The following ASAP3 variants were observed in gnomAD, a reference collection of about 807,000 sequenced individuals.
The protein encoded by ASAP3 is arf-GAP with SH3 domain, ANK repeat and PH domain-containing protein 3.
ASAP3 carries 85 observed loss-of-function variants against 118.2 expected under a neutral mutation model. That is an observed-to-expected ratio of 0.72 (90% CI 0.60 to 0.86). The LOEUF (loss-of-function observed/expected upper bound fraction) is 0.86, where lower values mean the gene tolerates loss of function less well. Ranked by LOEUF, ASAP3 falls within the 40% of genes least tolerant of loss-of-function variation. The pLI is 0.00. For synonymous variants in ASAP3, 432 were observed against 477.4 expected, an observed-to-expected ratio of 0.90 and a Z score of 1.24; for missense variants, 1,026 against 1,175.0, an observed-to-expected ratio of 0.87 and a Z score of 1.85.
chr1:23,436,442 C>T lies in ASAP3; in HGVS notation c.1571+118G>A, dbSNP rs1640656789. ...CCTCCCAAAGTGCTGGGATTACAGG[C>T]GTGAGCCACTGCGCCCAGCCTCCCC... On this transcript the variant is annotated intron_variant, in intron 16 of 24. Transcript: ENST00000336689. This position sits in a 1 kb window ranked among gnomAD's most constrained non-coding sequence, Gnocchi z 4.2. 5 of 1,118,302 alleles carry T rather than the reference C, an allele frequency of 4.5e-6. No individual in the cohort carries two copies. Among genetic ancestry groups the T allele is most frequent in the African/African-American group, 1.5e-5 (1 of 65,118 alleles). 69.3% of individuals were successfully genotyped at this position (1,118,302 alleles called of 1,614,324 possible).
Position 23,429,750 on chromosome 1 carries a change from A to G in ASAP3, c.*106T>C. On this transcript the variant is annotated 3_prime_UTR_variant, in exon 25 of 25. Coordinates refer to ENST00000336689, the MANE Select transcript of ASAP3 (RefSeq NM_017707.4). ...CTACAGAGGCACAAGGGACAGAGAGAGTGAGATCCAAGAGAACAAATGTCT... is the reference window on the plus strand; with the variant it reads ...CTACAGAGGCACAAGGGACAGAGAGGGTGAGATCCAAGAGAACAAATGTCT... 5 of 1,132,344 alleles carry G rather than the reference A, an allele frequency of 4.4e-6. No homozygotes were observed. The highest frequency in any genetic ancestry group is 6.3e-6 in the Non-Finnish European group (5 of 790,978). The allele number at this position is 1,132,344 out of a possible 1,614,324, so 70.1% of individuals were successfully genotyped here.
chr1:23,436,497 C>G lies in ASAP3; in HGVS notation c.1571+63G>C. ...TTCTGATCCAAGACTTTTCTACGAC[C>G]CTGGACACTGCGGAGGCAGAATCCC... On this transcript the variant is annotated intron_variant, in intron 16 of 24. Transcript: ENST00000336689. The surrounding 1 kb of genome is among the most constrained non-coding windows in gnomAD (Gnocchi z 4.2). 6.4e-7 allele frequency: 1 copy of G among 1,568,502 alleles called. No homozygotes were observed. Among genetic ancestry groups the G allele is most frequent in the Non-Finnish European group, 8.8e-7 (1 of 1,139,064 alleles).
At chr1:23,441,076 A>G in intron 10 of ASAP3, 26 bp downstream of exon 10, 2 of 1,609,132 alleles carry the variant, frequency 1.2e-6, no homozygotes, top group South Asian at 1.1e-5. Flanking sequence ...ACATTGGGCA[A>G]ATTATGTAAG....
intron 5 of ASAP3, among the ~76,000 whole-genome samples, chr1:23,447,213 C>T (rs1004616488): frequency 6.6e-6 from 1 of 152,134 alleles, no homozygotes; most frequent in Non-Finnish European, 1.5e-5. Flanking sequence ...ATACCACCTG[C>T]CATTAGTCAT....
chr1:23,462,388 T>C (rs370068930), intron 1 of ASAP3, among the ~76,000 whole-genome samples: 1 of 150,954 alleles, frequency 6.6e-6, no homozygotes, highest in African/African-American at 2.4e-5. Flanking sequence ...CCAGATACCA[T>C]TCCCGTCCCT....
chr1:23,460,097 T>C (rs529633830), intron 1 of ASAP3, among the ~76,000 whole-genome samples: 1 of 152,344 alleles, frequency 6.6e-6, no homozygotes, highest in South Asian at 2.1e-4. Flanking sequence ...TATAGCTTTT[T>C]ACATGTCAAT....
intron 1 of ASAP3, among the ~76,000 whole-genome samples, chr1:23,483,709 T>C (rs1008205336): frequency 3.9e-5 from 6 of 152,094 alleles, no homozygotes; most frequent in Non-Finnish European, 8.8e-5. Flanking sequence ...TGGAAGGCGC[T>C]AGGCAAACAC....
intron 5 of ASAP3, 84 bp downstream of exon 5, chr1:23,451,395 C>T: frequency 6.9e-7 from 1 of 1,444,776 alleles, no homozygotes; most frequent in South Asian, 1.1e-5. Context: ...TTCTGGATGA[C>T]ATGTCTCGGC....
At chr1:23,449,847 C>T (rs1641159577) in intron 5 of ASAP3, among the ~76,000 whole-genome samples, 1 of 152,194 alleles carries the variant, frequency 6.6e-6, no homozygotes, top group South Asian at 2.1e-4. Context: ...AGCAGACCTG[C>T]TTTGGGAAGG....
At chr1:23,463,391 C>T (rs918820302) in intron 1 of ASAP3, among the ~76,000 whole-genome samples, 8 of 151,388 alleles carry the variant, frequency 5.3e-5, no homozygotes, top group African/African-American at 1.9e-4. Flanking sequence ...CACTCATCCA[C>T]ACACTCATAA....
At chr1:23,444,961 G>C (rs1333756975) in intron 5 of ASAP3, among the ~76,000 whole-genome samples, 1 of 96,756 alleles carries the variant, frequency 1.0e-5, no homozygotes, top group Non-Finnish European at 2.5e-5. Context: ...AGGCTCTGTA[G>C]GCTTTTTTTT....
At chr1:23,463,004 G>T (rs1641646187) in intron 1 of ASAP3, among the ~76,000 whole-genome samples, 2 of 152,176 alleles carry the variant, frequency 1.3e-5, no homozygotes, top group African/African-American at 4.8e-5. Flanking sequence ...TACACTATGA[G>T]GTAGAGGGGA....
intron 5 of ASAP3, among the ~76,000 whole-genome samples, chr1:23,447,482 G>A (rs1436872170): frequency 2.6e-5 from 4 of 152,146 alleles, no homozygotes; most frequent in Non-Finnish European, 5.9e-5. Context: ...GTAAGGTTCA[G>A]TATCATCTTC....
intron 24 of ASAP3, among the ~76,000 whole-genome samples, chr1:23,430,628 G>A (rs543952137): frequency 1.6e-4 from 24 of 152,318 alleles, no homozygotes; most frequent in South Asian, 8.3e-4. Flanking sequence ...TTCTCTGAGC[G>A]ACTGGCCTGG....
At position 23,433,161 on chromosome 1, in the gene ASAP3, C is replaced by A. The variant is rs199574094; in HGVS notation, c.2239G>T (p.Glu747Ter). Residue 747 changes from glutamate (E) to a stop codon, truncating the protein, a stop_gained, in exon 22 of 25, where the codon GAG (glutamate) becomes TAG (stop). Transcript: ENST00000336689. LOFTEE classifies it high-confidence loss of function. ...ASLGAATPQG[E>*]SEDCPPPLPV... Reference sequence around the variant, plus strand: ...AAGGGCGGGGGACAGTCCTCACTCTCGCCCTGAGGGGTGGCTGCTCCCAGG... The same window carrying A: ...AAGGGCGGGGGACAGTCCTCACTCTAGCCCTGAGGGGTGGCTGCTCCCAGG... 1 of 1,614,172 alleles carries A rather than the reference C, an allele frequency of 6.2e-7. No homozygotes were observed. Among genetic ancestry groups the A allele is most frequent in the Non-Finnish European group, 8.5e-7 (1 of 1,180,034 alleles).
Position 23,437,121 on chromosome 1 carries a change from G to C in ASAP3, c.1342+9C>G. The C allele has an allele frequency of 6.2e-7, 1 of 1,602,090 alleles. No homozygotes were observed. Among genetic ancestry groups the C allele is most frequent in the South Asian group, 1.1e-5 (1 of 89,372 alleles). On this transcript the variant is annotated intron_variant, in intron 14 of 24. Coordinates refer to ENST00000336689, the MANE Select transcript of ASAP3 (RefSeq NM_017707.4). The surrounding 1 kb of genome is among the most constrained non-coding windows in gnomAD (Gnocchi z 6.1). ...AAGCCTCCCTCCTGCCCCGGCCCCG[G>C]GGACCGACCTGCAGCCCCGCAGTCG...
chr1:23,439,297 C>T, intron 10 of ASAP3, 67 bp from the exon 11 acceptor site: 1 of 1,487,438 alleles, frequency 6.7e-7, no homozygotes. Context: ...TGTCAGAGAA[C>T]AGAAATTTGC....
At chr1:23,459,675 G>C (rs1641504892) in intron 1 of ASAP3, among the ~76,000 whole-genome samples, 1 of 152,234 alleles carries the variant, frequency 6.6e-6, no homozygotes, top group Non-Finnish European at 1.5e-5. Context: ...GCCACAGCAA[G>C]GCAGAAGAGG....
At chr1:23,445,796 G>A (rs1380892098) in intron 5 of ASAP3, among the ~76,000 whole-genome samples, 2 of 151,844 alleles carry the variant, frequency 1.3e-5, no homozygotes, top group Non-Finnish European at 2.9e-5. Context: ...AACATAGCAA[G>A]ACCCCGTTTC....
Sources: allele counts gnomAD v4.1 joint callset (sites outside exome capture counted in the v4.1 genomes callset), GRCh38; gene constraint gnomAD v4.1.1; non-coding constraint Gnocchi (gnomAD v3.1); transcripts MANE v1.5; gene names NCBI Gene and HGNC (gene_info 2026-07-23, HGNC 2026-07-21).